Variants in WDR19 observed in about 807,000 individuals in gnomAD.
WDR19 encodes the protein WD repeat-containing protein 19.
Under a neutral mutation model 180.0 loss-of-function variants are expected in WDR19, and 121 were observed. The ratio of observed to expected loss-of-function variants is 0.67; its 90% CI spans 0.58 to 0.78. WDR19 has a LOEUF of 0.78. Ranked by LOEUF, WDR19 falls within the 30% of genes least tolerant of loss-of-function variation. WDR19 has a pLI of 0.00. For missense variants in WDR19, 1,450 were observed against 1,640.7 expected, an observed-to-expected ratio of 0.88 and a Z score of 2.01; for synonymous variants, 497 against 540.7, an observed-to-expected ratio of 0.92 and a Z score of 1.12.
chr4:39,199,668 A>T, intron 6 of WDR19, 75 bp downstream of exon 6: 3 of 1,204,254 alleles, frequency 2.5e-6, no homozygotes, highest in Non-Finnish European at 3.6e-6. Flanking sequence ...TGTCAAACTA[A>T]TCTATACAAT....
At chr4:39,276,660 C>CAGTTATACGGTGCTGGTATA (rs1469834671) in intron 33 of WDR19, among the ~76,000 whole-genome samples, 1 of 152,158 alleles carries the variant, frequency 6.6e-6, no homozygotes, top group Non-Finnish European at 1.5e-5. Flanking sequence ...TAACTTGTAC[C>CAGTTATACGGTGCTGGTATA]ACTTCTGTTA....
intron 34 of WDR19, 76 bp from the exon 35 acceptor site, chr4:39,278,055 A>G: frequency 7.3e-7 from 1 of 1,364,678 alleles, no homozygotes; most frequent in Non-Finnish European, 1.0e-6. Flanking sequence ...TTCCGTCAAA[A>G]AAAAAAAAAA....
chr4:39,270,169 G>A, intron 31 of WDR19, 69 bp downstream of exon 31: 1 of 1,584,554 alleles, frequency 6.3e-7, no homozygotes, highest in Non-Finnish European at 8.6e-7. Flanking sequence ...TTTTCTCCAG[G>A]CCCTTCTCCA....
intron 32 of WDR19, 68 bp downstream of exon 32, chr4:39,273,129 C>A (rs1383591512): frequency 8.3e-7 from 1 of 1,199,142 alleles, no homozygotes; most frequent in East Asian, 2.6e-5. Flanking sequence ...CCCAGCGCCC[C>A]TTTTGCAGGC....
At chr4:39,193,793 AGGTAGCT>A (rs1465297890) in intron 4 of WDR19, among the ~76,000 whole-genome samples, 3 of 152,224 alleles carry the variant, frequency 2.0e-5, no homozygotes, top group African/African-American at 4.8e-5. Context: ...ATGAAAACAC[AGGTAGCT>A]GGGTGCCACT....
chr4:39,268,120 C>G (rs1017481421), intron 30 of WDR19, 29 bp downstream of exon 30: 2 of 1,529,542 alleles, frequency 1.3e-6, no homozygotes, highest in Non-Finnish European at 1.8e-6. Flanking sequence ...TGTGTTACTT[C>G]CCAAGCAGGC....
chr4:39,183,028 T>G (rs916861747), intron 1 of WDR19, among the ~76,000 whole-genome samples: 1 of 152,014 alleles, frequency 6.6e-6, no homozygotes, highest in Admixed American at 6.5e-5. Flanking sequence ...ATGAAAAGCC[T>G]CCTAAAGAAT....
At position 39,182,556 on chromosome 4, in the gene WDR19, A is replaced by G. The variant is rs1010790493; in HGVS notation, c.-2A>G. 9.3e-6 allele frequency: 15 copies of G among 1,613,444 alleles called. No individual in the cohort carries two copies. The highest frequency in any genetic ancestry group is 1.7e-4 in the Middle Eastern group (1 of 5,984). On this transcript the variant is annotated 5_prime_UTR_variant, in exon 1 of 37. Coordinates refer to ENST00000399820, the MANE Select transcript of WDR19 (RefSeq NM_025132.4). ...AGTTCGCGTAGCGGCTCGAGCGTGG[A>G]GATGAAGGTAAATAACTTACAAATT...
rs1729029070 is a variant in WDR19, at chr4:39,215,989, C to T, written c.1110C>T (p.Val370=). 6.2e-7 allele frequency: 1 copy of T among 1,608,236 alleles called. No individual in the cohort carries two copies. Among genetic ancestry groups the T allele is most frequent in the African/African-American group, 1.3e-5 (1 of 74,756 alleles). ...RIAYLTSLLE[V]TVANPVEGEL... is the part of the protein sequence containing the mutation. ...CCTATCTCACCTCCCTCCTTGAAGT[C>T]ACCGTAGCCAACCCTGTTGAAGGAG... The change falls in exon 11 of 37, where the codon GTC becomes GTT. Residue 370 remains valine (V), a synonymous_variant. Coordinates refer to ENST00000399820, the MANE Select transcript of WDR19 (RefSeq NM_025132.4).
At chr4:39,275,261 A>C in intron 33 of WDR19, 2 of 339,434 alleles carry the variant, frequency 5.9e-6, no homozygotes, top group Non-Finnish European at 1.1e-5. Flanking sequence ...AATTGCTTGA[A>C]CCCGGGAGGC....
At position 39,189,781 on chromosome 4, in the gene WDR19, G is replaced by A. The variant is rs766718240; in HGVS notation, c.290G>A (p.Arg97Lys). The A allele has an allele frequency of 1.3e-6, 2 of 1,592,442 alleles. No individual in the cohort carries two copies. Among genetic ancestry groups the A allele is most frequent in the Non-Finnish European group, 1.7e-6 (2 of 1,173,696 alleles). The change falls in exon 4 of 37, where the codon AGG becomes AAG. Residue 97 changes from arginine to lysine, a missense_variant and splice_region_variant. Physicochemically the swap from Arg to Lys is conservative, Grantham distance 26. Transcript: ENST00000399820. ...NKTSQLDNGM[R>K]DQMSFLLWSK... ...ACCAGCCAGTTAGACAATGGCATGA[G>A]GTAAGATAACTTTTTAATTTTTTAA...
intron 3 of WDR19, 115 bp from the exon 4 acceptor site, chr4:39,189,541 G>A: frequency 1.0e-6 from 1 of 982,060 alleles, no homozygotes; most frequent in Non-Finnish European, 1.4e-6. Context: ...TCTCACTTTA[G>A]AGAGTTTATT....
At chr4:39,231,711 A>G (rs1400745366) in intron 17 of WDR19, 86 bp from the exon 18 acceptor site, 3 of 1,220,638 alleles carry the variant, frequency 2.5e-6, no homozygotes, top group African/African-American at 1.5e-5. Flanking sequence ...TATCTGGGGC[A>G]CGCTATTAGA....
chr4:39,205,627 A>T lies in WDR19; in HGVS notation c.781A>T (p.Thr261Ser). The change falls in exon 9 of 37, where the codon ACT (threonine) becomes TCT (serine). Residue 261 changes from threonine (T) to serine (S), a missense_variant. Thr to Ser is a moderately conservative substitution (Grantham distance 58). Transcript: ENST00000399820. Reference sequence around the variant, plus strand: ...ACATTTTGTGGTCATTTCTACTCATACTGGAGAGCTTGGTCAAGAGATATT... The same window carrying T: ...ACATTTTGTGGTCATTTCTACTCATTCTGGAGAGCTTGGTCAAGAGATATT... ...CGHFVVISTH[T>S]GELGQEIFQA... The T allele has an allele frequency of 1.2e-6, 2 of 1,613,354 alleles. No homozygotes were observed. Among genetic ancestry groups the T allele is most frequent in the African/African-American group, 1.3e-5 (1 of 75,022 alleles).
At chr4:39,257,698 C>A in intron 28 of WDR19, 144 bp downstream of exon 28, 1 of 690,358 alleles carries the variant, frequency 1.4e-6, no homozygotes, top group Non-Finnish European at 2.4e-6. Context: ...GCTGTCAATA[C>A]ATAGACAGCC....
intron 24 of WDR19, among the ~76,000 whole-genome samples, chr4:39,248,176 G>C (rs1422745895): frequency 6.6e-6 from 1 of 152,244 alleles, no homozygotes; most frequent in African/African-American, 2.4e-5. Flanking sequence ...CTACAAGCCA[G>C]AAGAGAGTGG....
chr4:39,228,757 T>C, intron 17 of WDR19, 67 bp downstream of exon 17: 4 of 1,430,506 alleles, frequency 2.8e-6, no homozygotes, highest in Non-Finnish European at 3.7e-6. Flanking sequence ...TCAAATCCTA[T>C]AATTATTCTA....
At position 39,247,292 on chromosome 4, in the gene WDR19, G is replaced by A. The variant is rs1227286967; in HGVS notation, c.2729+1840G>A. 3.3e-5 allele frequency among the ~76,000 whole-genome samples: 5 copies of A among 152,152 alleles called. No individual in the cohort carries two copies. The South Asian group carries it at 8.3e-4, about 25-fold the overall frequency. On this transcript the variant is annotated intron_variant, in intron 24 of 36. Coordinates refer to ENST00000399820, the MANE Select transcript of WDR19 (RefSeq NM_025132.4). ...AACTCCAACAGACCTGCAGCTGAGGGTCCTGACTGTTAGAAGGAAAACTAA... is the reference window on the plus strand; with the variant it reads ...AACTCCAACAGACCTGCAGCTGAGGATCCTGACTGTTAGAAGGAAAACTAA...
chr4:39,235,255 T>G (rs1258509994), intron 20 of WDR19, among the ~76,000 whole-genome samples: 1 of 152,052 alleles, frequency 6.6e-6, no homozygotes, highest in East Asian at 1.9e-4. Flanking sequence ...GCTTCCTGAG[T>G]AGCTGGGACT....
Sources: gnomAD v4.1 joint callset for allele counts (sites outside exome capture counted in the v4.1 genomes callset) on GRCh38, gnomAD v4.1.1 for gene constraint, MANE v1.5 for transcripts, NCBI Gene and HGNC (gene_info 2026-07-23, HGNC 2026-07-21) for gene names.